LRMDA: variants seen among roughly 807,000 people sequenced by gnomAD.
The protein encoded by LRMDA is leucine-rich melanocyte differentiation-associated protein.
In LRMDA, 18 loss-of-function variants were observed where a neutral mutation model predicts 29.8. That is an observed-to-expected ratio of 0.60 (90% CI 0.42 to 0.90). LRMDA has a LOEUF of 0.90. Among genes scored for constraint, LRMDA ranks in the 40% least tolerant of loss-of-function variants. The pLI is 0.00. For missense variants in LRMDA, 273 were observed against 273.9 expected, an observed-to-expected ratio of 1.00 and a Z score of 0.02; for synonymous variants, 125 against 109.4, an observed-to-expected ratio of 1.14 and a Z score of -0.89.
At chr10:75,502,830 C>T (rs1024693232) in intron 2 of LRMDA, among the ~76,000 whole-genome samples, 4 of 152,134 alleles carry the variant, frequency 2.6e-5, no homozygotes, top group African/African-American at 2.4e-5. Context: ...GGAAGTTTTG[C>T]AGGCACACTT....
intron 2 of LRMDA, among the ~76,000 whole-genome samples, chr10:75,982,844 C>T (rs1847196684): frequency 6.6e-6 from 1 of 152,198 alleles, no homozygotes; most frequent in African/African-American, 2.4e-5. Context: ...TATTGTTGAG[C>T]ACCCACTATG....
chr10:75,753,886 T>C (rs1346996104), intron 2 of LRMDA, among the ~76,000 whole-genome samples: 1 of 152,086 alleles, frequency 6.6e-6, no homozygotes, highest in Non-Finnish European at 1.5e-5. Context: ...GCAGTAAAGA[T>C]GGAAGGAAGT....
chr10:75,869,336 G>A (rs1330462870), intron 2 of LRMDA, among the ~76,000 whole-genome samples: 4 of 152,112 alleles, frequency 2.6e-5, no homozygotes, highest in Admixed American at 2.6e-4. Flanking sequence ...GCACCCCATG[G>A]CCAACCCCAG....
chr10:76,435,608 A>G (rs1449692097), intron 6 of LRMDA, among the ~76,000 whole-genome samples: 2 of 152,194 alleles, frequency 1.3e-5, no homozygotes, highest in African/African-American at 4.8e-5. Flanking sequence ...TACATTTTTG[A>G]TGTCACACTG....
intron 2 of LRMDA, among the ~76,000 whole-genome samples, chr10:75,838,961 A>T (rs1325028072): frequency 6.6e-6 from 1 of 152,198 alleles, no homozygotes; most frequent in Non-Finnish European, 1.5e-5. Flanking sequence ...CCAACCCCAA[A>T]GACTGTGGGC....
chr10:76,435,996 C>T (rs557328902), intron 6 of LRMDA, among the ~76,000 whole-genome samples: 1 of 152,084 alleles, frequency 6.6e-6, no homozygotes, highest in Non-Finnish European at 1.5e-5. Context: ...TGGTTATTTC[C>T]CCAGTTTTTA....
chr10:76,339,183 T>C (rs1841006327), intron 6 of LRMDA, among the ~76,000 whole-genome samples: 1 of 151,134 alleles, frequency 6.6e-6, no homozygotes, highest in African/African-American at 2.4e-5. Flanking sequence ...TAAAGAAAAG[T>C]GTAACATGCT....
At chr10:76,039,099 T>C (rs1723859581) in intron 3 of LRMDA, among the ~76,000 whole-genome samples, 1 of 152,228 alleles carries the variant, frequency 6.6e-6, no homozygotes, top group Admixed American at 6.5e-5. Context: ...GTACAAGTAG[T>C]CTTCAAGTTC....
At chr10:75,784,598 C>T (rs1374867300) in intron 2 of LRMDA, among the ~76,000 whole-genome samples, 1 of 151,518 alleles carries the variant, frequency 6.6e-6, no homozygotes, top group East Asian at 1.9e-4. Flanking sequence ...ACTTGGAAGG[C>T]TGAGGCAGGA....
At chr10:75,602,678 C>T (rs1840902347) in intron 2 of LRMDA, among the ~76,000 whole-genome samples, 1 of 152,090 alleles carries the variant, frequency 6.6e-6, no homozygotes, top group Non-Finnish European at 1.5e-5. Context: ...ATGTGTTTTC[C>T]TTCCTCATTC....
intron 6 of LRMDA, among the ~76,000 whole-genome samples, chr10:76,397,102 C>T (rs532423992): frequency 5.3e-5 from 8 of 152,286 alleles, no homozygotes; most frequent in Admixed American, 5.2e-4. Context: ...TGAGCAAAAT[C>T]ATTTTATTAA....
intron 2 of LRMDA, among the ~76,000 whole-genome samples, chr10:75,946,262 T>C (rs1346695525): frequency 6.6e-6 from 1 of 152,236 alleles, no homozygotes; most frequent in Non-Finnish European, 1.5e-5. Flanking sequence ...GTCATTCTTA[T>C]GTTTAAGGTT....
At chr10:75,585,500 G>A (rs906216544) in intron 2 of LRMDA, among the ~76,000 whole-genome samples, 12 of 152,304 alleles carry the variant, frequency 7.9e-5, no homozygotes, top group African/African-American at 2.9e-4. Context: ...GGTACATGCT[G>A]AGGAGCGGAA....
At chr10:76,310,235 G>A (rs1029841545) in intron 5 of LRMDA, among the ~76,000 whole-genome samples, 3 of 152,112 alleles carry the variant, frequency 2.0e-5, no homozygotes, top group Admixed American at 1.3e-4. Context: ...AATAATGTCC[G>A]CACATTAAGC....
intron 2 of LRMDA, among the ~76,000 whole-genome samples, chr10:75,629,535 G>A (rs1228114696): frequency 2.6e-5 from 4 of 152,106 alleles, no homozygotes; most frequent in Non-Finnish European, 5.9e-5. Flanking sequence ...GCCTCACAAC[G>A]ACTTCCTAAC....
intron 6 of LRMDA, among the ~76,000 whole-genome samples, chr10:76,398,379 T>C (rs1907337): frequency 0.65 from 98,101 of 152,068 alleles, 35,515 homozygotes; most frequent in Non-Finnish European, 0.84. Context: ...CCATAACCAA[T>C]TCCACTGATT....
chr10:76,224,271 G>GA (rs941111923), intron 5 of LRMDA, among the ~76,000 whole-genome samples: 1,961 of 141,264 alleles, frequency 0.014, 47 homozygotes, highest in African/African-American at 0.041. Context: ...TATAAGCACT[G>GA]AAAAAAAAAA....
intron 2 of LRMDA, among the ~76,000 whole-genome samples, chr10:75,645,470 G>T (rs1323525402): frequency 2.6e-5 from 4 of 152,136 alleles, no homozygotes; most frequent in East Asian, 1.9e-4. Flanking sequence ...GTGGGTTGGT[G>T]GGGGGTGGGG....
intron 2 of LRMDA, among the ~76,000 whole-genome samples, chr10:75,735,020 A>T (rs909138997): frequency 2.0e-5 from 3 of 152,090 alleles, no homozygotes; most frequent in African/African-American, 4.8e-5. Flanking sequence ...ATTCATGATG[A>T]TGATTGTAGA....
Sources: gnomAD v4.1 joint callset for allele counts (sites outside exome capture counted in the v4.1 genomes callset) on GRCh38, gnomAD v4.1.1 for gene constraint, MANE v1.5 for transcripts, NCBI Gene and HGNC (gene_info 2026-07-23, HGNC 2026-07-21) for gene names.